Variants in DNAH6 observed in about 807,000 individuals in gnomAD.
DNAH6 encodes axonemal beta dynein heavy chain 6.
In DNAH6, 340 loss-of-function variants were observed where a neutral mutation model predicts 491.4. That is an observed-to-expected ratio of 0.69 (90% CI 0.63 to 0.76). The LOEUF is 0.76. Among genes scored for constraint, DNAH6 ranks in the 30% least tolerant of loss-of-function variants. The probability of loss-of-function intolerance (pLI) is 0.00; values close to 1 mark genes in which losing one functional copy is unlikely to be tolerated. For synonymous variants in DNAH6, 1,603 were observed against 1,686.1 expected (o/e 0.95, Z 1.21); for missense variants, 4,443 against 4,972.2 (o/e 0.89, Z 3.20).
At chr2:84,789,595 G>GT (rs1024035690) in intron 68 of DNAH6, among the ~76,000 whole-genome samples, 2 of 152,196 alleles carry the variant, frequency 1.3e-5, no homozygotes, top group African/African-American at 4.8e-5. Flanking sequence ...CATGGCAACA[G>GT]TTTTTTGGAA....
In DNAH6 at chr2:84,711,370, A is replaced by G. The variant is rs542486712; in HGVS notation, c.9378+958A>G. ...GTAATAAAAGAACAAGCGAGCCAAA[A>G]CATGGACTGTGAGTTGAGTCTCAGT... On this transcript the variant is annotated intron_variant, in intron 56 of 76. Transcript: ENST00000389394. Among the ~76,000 whole-genome samples, 18 of 152,314 alleles carry G rather than the reference A, an allele frequency of 1.2e-4. No homozygotes were observed. In the East Asian group the frequency reaches 3.5e-3, roughly 29 times the overall value.
intron 42 of DNAH6, 42 bp downstream of exon 42, chr2:84,681,570 A>G (rs1693776481): frequency 2.1e-6 from 3 of 1,426,520 alleles, no homozygotes; most frequent in Non-Finnish European, 2.8e-6. Flanking sequence ...CACCCTCCCT[A>G]CTTTTCCATT....
intron 41 of DNAH6, among the ~76,000 whole-genome samples, chr2:84,678,562 C>G (rs1490540677): frequency 1.3e-5 from 2 of 152,080 alleles, no homozygotes; most frequent in Non-Finnish European, 2.9e-5. Flanking sequence ...AAACATCGTT[C>G]TTCATCATTC....
intron 21 of DNAH6, 131 bp downstream of exon 21, chr2:84,607,226 G>T: frequency 2.1e-6 from 2 of 954,670 alleles, no homozygotes; most frequent in Non-Finnish European, 3.1e-6. Flanking sequence ...ACATGTTATT[G>T]TGTTTAGAAT....
At chr2:84,553,628 ATTT>A (rs748931607) in intron 10 of DNAH6, among the ~76,000 whole-genome samples, 15 of 90,996 alleles carry the variant, frequency 1.6e-4, no homozygotes, top group African/African-American at 5.8e-4. Context: ...AGGACTGGCT[ATTT>A]TTTTTTTTTT....
chr2:84,605,191 C>CAAAA (rs58744232), intron 19 of DNAH6, among the ~76,000 whole-genome samples: 5 of 138,418 alleles, frequency 3.6e-5, no homozygotes, highest in African/African-American at 1.3e-4. Flanking sequence ...ATTAAAAATA[C>CAAAA]AAAAAAAAAA....
At chr2:84,743,514 G>C (rs943199785) in intron 62 of DNAH6, among the ~76,000 whole-genome samples, 22 of 152,030 alleles carry the variant, frequency 1.4e-4, no homozygotes, top group African/African-American at 5.1e-4. Context: ...TGTCCTATTG[G>C]GAGTTATTTA....
rs538212444 is a variant in DNAH6 at position 84,606,010 on chromosome 2, T to C, written c.3174+418T>C. Among the ~76,000 whole-genome samples, 3 of 152,342 alleles carry C rather than the reference T, an allele frequency of 2.0e-5. No individual in the cohort carries two copies. In the South Asian group the frequency reaches 6.2e-4, roughly 32 times the overall value. ...CAAAGAAACCTGAATGAGCATTTCC[T>C]GTTTATAGCACACGAAAAGGCTAAA... On this transcript the variant is annotated intron_variant, in intron 20 of 76. Transcript: ENST00000389394.
Position 84,720,572 on chromosome 2 carries a change from C to A in DNAH6, c.9793-2053C>A, listed in dbSNP as rs548373188. On this transcript the variant is annotated intron_variant, in intron 59 of 76. Coordinates refer to ENST00000389394, the MANE Select transcript of DNAH6 (RefSeq NM_001370.2). ...GGATTACAGGCGTGAGCCACCGCGC[C>A]CGGCCGAGTGCTTCTTGCTACTAAT... Among the ~76,000 whole-genome samples the A allele has an allele frequency of 2.0e-5, 3 of 152,184 alleles. No homozygotes were observed. The South Asian group carries it at 6.2e-4, about 32-fold the overall frequency.
chr2:84,777,269 C>A, intron 64 of DNAH6: 1 of 227,410 alleles, frequency 4.4e-6, no homozygotes, highest in African/African-American at 2.3e-5. Flanking sequence ...TATAAAATTG[C>A]AGGTTTTTTG....
chr2:84,484,909 T>C, the DNAH6 span, among the ~76,000 whole-genome samples: 1 of 152,222 alleles, frequency 6.6e-6, no homozygotes, highest in East Asian at 1.9e-4. Flanking sequence ...GACTAAATGA[T>C]ATCAACAGGT....
intron 61 of DNAH6, 147 bp downstream of exon 61, chr2:84,728,049 A>T: frequency 1.6e-6 from 1 of 621,288 alleles, no homozygotes; most frequent in Non-Finnish European, 2.8e-6. Context: ...AGTTTCCCCC[A>T]TACTGTTCTC....
chr2:84,767,987 G>T (rs1296221463), intron 64 of DNAH6, among the ~76,000 whole-genome samples: 1 of 152,092 alleles, frequency 6.6e-6, no homozygotes, highest in Non-Finnish European at 1.5e-5. Context: ...TATTCTACGT[G>T]TGAAAAGCAA....
chr2:84,812,806 G>A (rs1287853174), intron 73 of DNAH6, among the ~76,000 whole-genome samples: 1 of 152,132 alleles, frequency 6.6e-6, no homozygotes, highest in Non-Finnish European at 1.5e-5. Context: ...CAACCAAGAT[G>A]AGTCCAGATC....
chr2:84,681,557 C>T (rs1435830875), intron 42 of DNAH6, 29 bp downstream of exon 42: 1 of 1,463,690 alleles, frequency 6.8e-7, no homozygotes, highest in Admixed American at 2.6e-5. Context: ...GTTTTCTGAT[C>T]TGCACCCTCC....
chr2:84,587,678 G>C (rs993408081), intron 15 of DNAH6, among the ~76,000 whole-genome samples: 1 of 152,124 alleles, frequency 6.6e-6, no homozygotes, highest in Non-Finnish European at 1.5e-5. Flanking sequence ...CATTCTACCT[G>C]GGTCTCTTTT....
At chr2:84,815,018 G>A (rs760805039) in intron 75 of DNAH6, among the ~76,000 whole-genome samples, 24 of 152,352 alleles carry the variant, frequency 1.6e-4, no homozygotes, top group Non-Finnish European at 2.4e-4. Context: ...CCCATTTGCC[G>A]CCTTGGCGCA....
chr2:84,511,624 C>A (rs946175488), upstream of DNAH6, among the ~76,000 whole-genome samples: 1 of 152,198 alleles, frequency 6.6e-6, no homozygotes. Flanking sequence ...AACCCAGTAC[C>A]TCAGTTGGAA....
At chr2:84,586,111 C>A (rs1393783535) in intron 15 of DNAH6, among the ~76,000 whole-genome samples, 1 of 152,246 alleles carries the variant, frequency 6.6e-6, no homozygotes, top group Non-Finnish European at 1.5e-5. Flanking sequence ...AAGATCAGAG[C>A]AGGGAGAGAC....
Sources: allele counts gnomAD v4.1 joint callset (sites outside exome capture counted in the v4.1 genomes callset), GRCh38; gene constraint gnomAD v4.1.1; transcripts MANE v1.5; gene names NCBI Gene and HGNC (gene_info 2026-07-23, HGNC 2026-07-21).